Variants in MAF observed in about 807,000 individuals in gnomAD.
MAF encodes MAF bZIP transcription factor, also known as transcription factor Maf.
MAF carries 10 observed loss-of-function variants against 22.0 expected under a neutral mutation model. That is an observed-to-expected ratio of 0.45 (90% CI 0.28 to 0.77). The LOEUF (loss-of-function observed/expected upper bound fraction) is 0.77, where lower values mean the gene tolerates loss of function less well. Ranked by LOEUF, MAF falls within the 30% of genes least tolerant of loss-of-function variation. MAF has a pLI of 0.12. For synonymous variants in MAF, 337 were observed against 255.8 expected, an observed-to-expected ratio of 1.32 and a Z score of -3.03; for missense variants, 544 against 548.4, an observed-to-expected ratio of 0.99 and a Z score of 0.08.
the MAF span, among the ~76,000 whole-genome samples, chr16:79,216,603 CTT>C: frequency 1.4e-4 from 22 of 152,218 alleles, no homozygotes; most frequent in Admixed American, 5.2e-4. Flanking sequence ...TCTAGGTAAA[CTT>C]AAGTTTTCTG....
chr16:79,427,666 C>T, the MAF span, among the ~76,000 whole-genome samples: 1 of 152,042 alleles, frequency 6.6e-6, no homozygotes, highest in African/African-American at 2.4e-5. Flanking sequence ...CACTTTCTGC[C>T]TCTCCTTTAA....
At chr16:79,572,992 A>G in the MAF span, among the ~76,000 whole-genome samples, 1 of 152,224 alleles carries the variant, frequency 6.6e-6, no homozygotes, top group African/African-American at 2.4e-5. Context: ...GTTCTAGCCA[A>G]AAGAAAATAT....
At chr16:79,312,762 C>T in the MAF span, among the ~76,000 whole-genome samples, 4 of 152,326 alleles carry the variant, frequency 2.6e-5, no homozygotes, top group South Asian at 8.3e-4. Context: ...AGAGAACATG[C>T]CTTCCTTTAT....
chr16:79,334,262 C>T, the MAF span, among the ~76,000 whole-genome samples: 8 of 152,092 alleles, frequency 5.3e-5, no homozygotes, highest in Admixed American at 3.9e-4. Flanking sequence ...TATTGCACAG[C>T]GACGGCAAAG....
At chr16:79,334,996 C>T in the MAF span, among the ~76,000 whole-genome samples, 2 of 151,414 alleles carry the variant, frequency 1.3e-5, no homozygotes, top group African/African-American at 4.9e-5. Context: ...ACCAGCCTGG[C>T]CAACATGGTG....
chr16:79,577,773 A>G, the MAF span, among the ~76,000 whole-genome samples: 2 of 152,358 alleles, frequency 1.3e-5, no homozygotes, highest in African/African-American at 2.4e-5. Flanking sequence ...AAGTCTATCT[A>G]TAGTAAAATT....
At chr16:79,474,310 C>G in the MAF span, among the ~76,000 whole-genome samples, 1 of 152,004 alleles carries the variant, frequency 6.6e-6, no homozygotes, top group Non-Finnish European at 1.5e-5. Context: ...GTACTATTAC[C>G]ATTTATAAAA....
At chr16:79,398,781 A>C in the MAF span, among the ~76,000 whole-genome samples, 147,786 of 152,178 alleles carry the variant, frequency 0.97, 71,908 homozygotes, top group East Asian at 1. Context: ...GCATTCTCTT[A>C]CTCATTTTTT....
chr16:79,438,688 G>C, the MAF span, among the ~76,000 whole-genome samples: 2 of 152,180 alleles, frequency 1.3e-5, no homozygotes, highest in African/African-American at 4.8e-5. Flanking sequence ...TGCAGAGTCT[G>C]CCTTCTCTTG....
the MAF span, among the ~76,000 whole-genome samples, chr16:79,338,375 T>C: frequency 2.0e-5 from 3 of 152,186 alleles, no homozygotes; most frequent in Non-Finnish European, 4.4e-5. Context: ...TATTATTCTG[T>C]AAGGGAGTGA....
chr16:79,513,324 G>A, the MAF span, among the ~76,000 whole-genome samples: 21 of 152,218 alleles, frequency 1.4e-4, no homozygotes, highest in African/African-American at 5.1e-4. Flanking sequence ...CTAGCTATGT[G>A]GCCAAAAGCG....
At chr16:79,222,489 C>T in the MAF span, among the ~76,000 whole-genome samples, 1 of 151,626 alleles carries the variant, frequency 6.6e-6, no homozygotes, top group Non-Finnish European at 1.5e-5. Context: ...ACATAACAAC[C>T]CTAAAACTTA....
the MAF span, among the ~76,000 whole-genome samples, chr16:79,416,392 G>C: frequency 4.6e-5 from 7 of 151,746 alleles, no homozygotes; most frequent in South Asian, 6.2e-4. Context: ...TGTGAAACAG[G>C]CTTTACTCTT....
chr16:79,365,891 T>G, the MAF span, among the ~76,000 whole-genome samples: 1 of 152,222 alleles, frequency 6.6e-6, no homozygotes, highest in Non-Finnish European at 1.5e-5. Context: ...TGGACTGGGT[T>G]TAGGAACTCA....
the MAF span, among the ~76,000 whole-genome samples, chr16:79,389,464 G>T: frequency 7.2e-5 from 11 of 152,052 alleles, no homozygotes; most frequent in African/African-American, 2.4e-4. Context: ...CACCATGTTT[G>T]TTCACCAGGC....
At chr16:79,526,677 A>C in the MAF span, among the ~76,000 whole-genome samples, 2 of 152,208 alleles carry the variant, frequency 1.3e-5, no homozygotes, top group African/African-American at 4.8e-5. Context: ...ACAACAAAAA[A>C]CAAAACAAAA....
chr16:79,525,326 C>T, the MAF span, among the ~76,000 whole-genome samples: 11,532 of 152,250 alleles, frequency 0.076, 553 homozygotes, highest in South Asian at 0.15. Context: ...CAGTGAATTC[C>T]TTTCTGACTT....
the MAF span, among the ~76,000 whole-genome samples, chr16:79,526,385 G>T: frequency 6.6e-6 from 1 of 152,146 alleles, no homozygotes; most frequent in Admixed American, 6.6e-5. Flanking sequence ...CTGATTTGAC[G>T]GGAGGCAGAG....
At chr16:79,497,465 C>T in the MAF span, among the ~76,000 whole-genome samples, 5 of 152,328 alleles carry the variant, frequency 3.3e-5, no homozygotes, top group South Asian at 1.0e-3. Flanking sequence ...GTTGTGCTGG[C>T]TGTGCACTGC....
Sources: gnomAD v4.1 joint callset for allele counts (sites outside exome capture counted in the v4.1 genomes callset) on GRCh38, gnomAD v4.1.1 for gene constraint, MANE v1.5 for transcripts, NCBI Gene and HGNC (gene_info 2026-07-23, HGNC 2026-07-21) for gene names.